Variants in ROBO1 observed in about 807,000 individuals in gnomAD.
The protein encoded by ROBO1 is roundabout guidance receptor 1, also known as roundabout homolog 1.
In ROBO1, 149 loss-of-function variants were observed where a neutral mutation model predicts 195.9. The observed-to-expected ratio is 0.76, with a 90% confidence interval of 0.67 to 0.87. ROBO1 has a LOEUF of 0.87. Ranked by LOEUF, ROBO1 falls within the 40% of genes least tolerant of loss-of-function variation. The probability of loss-of-function intolerance (pLI) is 0.00; values close to 1 mark genes in which losing one functional copy is unlikely to be tolerated. For synonymous variants in ROBO1, 816 were observed against 733.2 expected, an observed-to-expected ratio of 1.11 and a Z score of -1.82; for missense variants, 1,933 against 2,068.3, an observed-to-expected ratio of 0.93 and a Z score of 1.27.
chr3:78,857,057 T>A (rs543772655), intron 4 of ROBO1, among the ~76,000 whole-genome samples: 11 of 152,128 alleles, frequency 7.2e-5, no homozygotes, highest in Non-Finnish European at 1.0e-4. Context: ...GTATCTATAC[T>A]CATTCAAAAA....
chr3:79,539,926 A>G (rs530472204), intron 2 of ROBO1, among the ~76,000 whole-genome samples: 17 of 85,664 alleles, frequency 2.0e-4, no homozygotes, highest in African/African-American at 1.3e-3. Flanking sequence ...CCAAAGATTA[A>G]TTTTATATGT....
At chr3:79,453,917 A>C (rs1018022872) in intron 2 of ROBO1, among the ~76,000 whole-genome samples, 1 of 152,098 alleles carries the variant, frequency 6.6e-6, no homozygotes, top group African/African-American at 2.4e-5. Flanking sequence ...ATTTTGCAGA[A>C]AGTGTTGATT....
intron 2 of ROBO1, among the ~76,000 whole-genome samples, chr3:79,577,090 A>C (rs942443764): frequency 6.6e-6 from 1 of 151,932 alleles, no homozygotes; most frequent in African/African-American, 2.4e-5. Flanking sequence ...ATATTTTAAG[A>C]CTTCAAGACT....
rs904587731 is a variant in ROBO1, at chr3:78,627,475, G to T, written c.3721C>A (p.Pro1241Thr). The change falls in exon 26 of 31, where the codon CCC (proline) becomes ACC (threonine). Residue 1241 changes from proline (P) to threonine (T), a missense_variant. Pro to Thr is a conservative substitution (Grantham distance 38, BLOSUM62 -1). Transcript: ENST00000464233. ...EEEEDERGPT[P>T]PVRGAASSPA... is the part of the protein sequence containing the mutation. ...GAAGAAGCTGCTCCCCGAACAGGGG[G>T]AGTGGGGCCTCGTTCATCTTCCTCC... 1.9e-6 allele frequency: 3 copies of T among 1,613,244 alleles called. No individual in the cohort carries two copies. Among genetic ancestry groups the T allele is most frequent in the Admixed American group, 3.3e-5 (2 of 59,960 alleles).
At chr3:79,343,605 C>T (rs185181678) in intron 2 of ROBO1, among the ~76,000 whole-genome samples, 3 of 152,202 alleles carry the variant, frequency 2.0e-5, no homozygotes, top group East Asian at 1.9e-4. Flanking sequence ...CTGCAGTAAA[C>T]GTAAACGTGG....
intron 2 of ROBO1, among the ~76,000 whole-genome samples, chr3:79,133,947 G>A (rs564142065): frequency 2.6e-5 from 4 of 152,168 alleles, no homozygotes; most frequent in African/African-American, 9.6e-5. Flanking sequence ...CCTGCCGTGT[G>A]AGGTGTCACC....
chr3:78,612,152 T>G (rs1703856368), intron 28 of ROBO1, among the ~76,000 whole-genome samples: 1 of 152,132 alleles, frequency 6.6e-6, no homozygotes, highest in African/African-American at 2.4e-5. Context: ...CTGAACAAAA[T>G]TTACAAAGTA....
At chr3:78,681,970 C>G (rs1192282186) in intron 10 of ROBO1, among the ~76,000 whole-genome samples, 1 of 152,108 alleles carries the variant, frequency 6.6e-6, no homozygotes, top group Non-Finnish European at 1.5e-5. Flanking sequence ...GCTGAACCTG[C>G]AGTGGAGGCA....
intron 1 of ROBO1, among the ~76,000 whole-genome samples, chr3:79,661,706 T>C (rs149750337): frequency 6.6e-6 from 1 of 152,032 alleles, no homozygotes; most frequent in Non-Finnish European, 1.5e-5. Context: ...TAGTAAAATA[T>C]CCTACCATAA....
chr3:78,607,963 C>T (rs1447910281), intron 28 of ROBO1, among the ~76,000 whole-genome samples: 1 of 151,366 alleles, frequency 6.6e-6, no homozygotes, highest in Admixed American at 6.6e-5. Context: ...ATTGTGTTTA[C>T]GTACCCAGAG....
chr3:79,078,704 T>A (rs2079218259), intron 3 of ROBO1, among the ~76,000 whole-genome samples: 1 of 151,776 alleles, frequency 6.6e-6, no homozygotes, highest in Non-Finnish European at 1.5e-5. Context: ...TTAGAACATG[T>A]ATGGAACAGT....
At chr3:79,090,532 C>G (rs2079460189) in intron 3 of ROBO1, among the ~76,000 whole-genome samples, 1 of 140,732 alleles carries the variant, frequency 7.1e-6, no homozygotes, top group Non-Finnish European at 1.5e-5. Context: ...GACAGAAATT[C>G]CAGTATAATT....
intron 2 of ROBO1, among the ~76,000 whole-genome samples, chr3:79,237,373 CGGGA>C (rs1405204757): frequency 6.6e-6 from 1 of 151,560 alleles, no homozygotes; most frequent in East Asian, 1.9e-4. Context: ...CCCAGCTACT[CGGGA>C]GGCTGAGGCA....
chr3:79,575,410 TAAC>T (rs1249420979), intron 2 of ROBO1, among the ~76,000 whole-genome samples: 1 of 127,744 alleles, frequency 7.8e-6, no homozygotes, highest in Non-Finnish European at 1.6e-5. Flanking sequence ...TAAATATAGA[TAAC>T]AAATATATAT....
chr3:79,516,874 C>T lies in ROBO1; in HGVS notation c.88+72950G>A, dbSNP rs915013880. 4.6e-5 allele frequency among the ~76,000 whole-genome samples: 7 copies of T among 152,160 alleles called. 1 individual carries two copies. The Middle Eastern group carries it at 0.01, about 223-fold the overall frequency. ...GACAAAGGTTTTTGTGCATTTTTTA[C>T]AAGAAAGAAAGATAATGCACTATTG... On this transcript the variant is annotated intron_variant, in intron 2 of 30. Coordinates refer to ENST00000464233, the MANE Select transcript of ROBO1 (RefSeq NM_002941.4).
chr3:79,154,954 C>T (rs544903829), intron 2 of ROBO1, among the ~76,000 whole-genome samples: 2 of 151,752 alleles, frequency 1.3e-5, no homozygotes, highest in South Asian at 2.1e-4. Context: ...TTATTTGTTC[C>T]CTATTTTCTG....
At chr3:79,732,980 C>T (rs566965845) in intron 1 of ROBO1, among the ~76,000 whole-genome samples, 10 of 152,164 alleles carry the variant, frequency 6.6e-5, no homozygotes, top group South Asian at 2.1e-4. Flanking sequence ...ACATTATTTC[C>T]GAAACCCAAA....
At chr3:78,945,902 T>A (rs2040411184) in intron 3 of ROBO1, among the ~76,000 whole-genome samples, 1 of 151,072 alleles carries the variant, frequency 6.6e-6, no homozygotes, top group South Asian at 2.1e-4. Flanking sequence ...TGCAATCAAC[T>A]GGAAGAAAGG....
chr3:79,688,931 T>C (rs1010939727), intron 1 of ROBO1, among the ~76,000 whole-genome samples: 8 of 152,048 alleles, frequency 5.3e-5, no homozygotes, highest in Admixed American at 5.3e-4. Flanking sequence ...TATCAACATG[T>C]ATTATATTAT....
Sources: allele counts gnomAD v4.1 joint callset (sites outside exome capture counted in the v4.1 genomes callset), GRCh38; gene constraint gnomAD v4.1.1; transcripts MANE v1.5; gene names NCBI Gene and HGNC (gene_info 2026-07-23, HGNC 2026-07-21).